SOBP: variants seen among roughly 807,000 people sequenced by gnomAD.
The protein encoded by SOBP is sine oculis-binding protein homolog.
SOBP carries 4 observed loss-of-function variants against 53.6 expected under a neutral mutation model. The observed-to-expected ratio is 0.07, with a 90% CI of 0.04 to 0.17. SOBP has a LOEUF of 0.17. Among genes scored for constraint, SOBP ranks in the 10% least tolerant of loss-of-function variants. SOBP has a pLI of 1.00. For missense variants in SOBP, 1,088 were observed against 1,204.7 expected (o/e 0.90, Z 1.43); for synonymous variants, 584 against 522.6 (o/e 1.12, Z -1.60).
At chr6:107,571,954 A>G (rs1378451321) in intron 4 of SOBP, among the ~76,000 whole-genome samples, 1 of 152,210 alleles carries the variant, frequency 6.6e-6, no homozygotes, top group Non-Finnish European at 1.5e-5. Context: ...GGACGAGGAG[A>G]AATAGCAATT....
At position 107,634,726 on chromosome 6, in the gene SOBP, G is replaced by A; in HGVS notation, c.1882G>A (p.Gly628Ser). The A allele has an allele frequency of 7.4e-7, 1 of 1,357,970 alleles. No individual in the cohort carries two copies. Among genetic ancestry groups the A allele is most frequent in the Non-Finnish European group, 9.4e-7 (1 of 1,064,712 alleles). The allele number at this position is 1,357,970 out of a possible 1,614,324, so 84.1% of individuals were successfully genotyped here. A position where few individuals can be genotyped will look rare whatever the true frequency, so the allele number is the denominator to read the frequency against. The stretch of plus-strand genomic sequence containing the variant: ...GGTGGTGGACCTGACGCGGCGCGCC[G>A]GCAGCCCCCCGGGCCCCCCGGGCGC... ...SEVVDLTRRA[G>S]SPPGPPGAGG... The change falls in exon 6 of 7, where the codon GGC becomes AGC. Residue 628 changes from glycine (G) to serine (S), a missense_variant. This residue lies in a region of SOBP where 665 missense variants were observed against 629.7 expected (regional missense o/e 1.06). Coordinates refer to ENST00000317357, the MANE Select transcript of SOBP (RefSeq NM_018013.4). This position sits in a 1 kb window ranked among gnomAD's most constrained non-coding sequence, Gnocchi z 4.5.
chr6:107,547,846 A>G (rs1784346361), intron 4 of SOBP, among the ~76,000 whole-genome samples: 1 of 152,182 alleles, frequency 6.6e-6, no homozygotes, highest in African/African-American at 2.4e-5. Context: ...AAGTGTTCAG[A>G]TGTCATGCTT....
At chr6:107,567,837 G>A (rs2115033943) in intron 4 of SOBP, among the ~76,000 whole-genome samples, 1 of 152,298 alleles carries the variant, frequency 6.6e-6, no homozygotes, top group South Asian at 2.1e-4. Context: ...TTTGCCCTGG[G>A]AGACCTGGAA....
chr6:107,578,492 C>G (rs1392996720), intron 4 of SOBP, among the ~76,000 whole-genome samples: 1 of 152,130 alleles, frequency 6.6e-6, no homozygotes, highest in East Asian at 1.9e-4. Flanking sequence ...GGGTTTGAAT[C>G]CTGGTTCTAC....
intron 4 of SOBP, among the ~76,000 whole-genome samples, chr6:107,535,631 GTGTGTGTT>G (rs933383440): frequency 6.9e-6 from 1 of 145,610 alleles, no homozygotes; most frequent in African/African-American, 2.6e-5. Flanking sequence ...GTGTGTGTGT[GTGTGTGTT>G]TTTTTTTTTT....
intron 4 of SOBP, among the ~76,000 whole-genome samples, chr6:107,553,831 A>G (rs1373497481): frequency 6.6e-6 from 1 of 152,174 alleles, no homozygotes; most frequent in Non-Finnish European, 1.5e-5. Flanking sequence ...TGTGTTGGCC[A>G]GACTGGTCTT....
chr6:107,508,866 T>C (rs1783076934), intron 3 of SOBP, among the ~76,000 whole-genome samples: 1 of 152,208 alleles, frequency 6.6e-6, no homozygotes, highest in Non-Finnish European at 1.5e-5. Flanking sequence ...TTTGAATATA[T>C]GCCCAGTGGC....
At chr6:107,633,105 AT>A (rs1468218982) in intron 5 of SOBP, among the ~76,000 whole-genome samples, 2 of 152,204 alleles carry the variant, frequency 1.3e-5, no homozygotes, top group Non-Finnish European at 1.5e-5. Flanking sequence ...AAGGGGTAAT[AT>A]TTCAAGCCCA....
At chr6:107,578,227 C>G (rs976530763) in intron 4 of SOBP, among the ~76,000 whole-genome samples, 4 of 151,790 alleles carry the variant, frequency 2.6e-5, no homozygotes, top group African/African-American at 9.7e-5. Flanking sequence ...CCTCTTCCCC[C>G]ACCCCGCACC....
At chr6:107,648,649 T>C (rs777391216) in intron 6 of SOBP, among the ~76,000 whole-genome samples, 7 of 151,892 alleles carry the variant, frequency 4.6e-5, no homozygotes, top group Non-Finnish European at 1.0e-4. Flanking sequence ...CACCCTACTG[T>C]CAGGGCAAAG....
In SOBP at chr6:107,516,658, G is replaced by A. The variant is rs1033337882; in HGVS notation, c.421+10231G>A. Among the ~76,000 whole-genome samples, 14 of 152,058 alleles carry A rather than the reference G, an allele frequency of 9.2e-5. No homozygotes were observed. In the Middle Eastern group the frequency reaches 0.02, roughly 222 times the overall value. On this transcript the variant is annotated intron_variant, in intron 3 of 6. Transcript: ENST00000317357. ...CTACAGGTTAACTATTATAATTTAC[G>A]ACTCAATTTATCAAAGTCTCTAAAC...
chr6:107,580,718 G>A (rs929145806), intron 4 of SOBP, among the ~76,000 whole-genome samples: 4 of 152,212 alleles, frequency 2.6e-5, no homozygotes, highest in South Asian at 4.1e-4. Flanking sequence ...GGAGAGAAAC[G>A]TGGGGCAAAA....
intron 4 of SOBP, among the ~76,000 whole-genome samples, chr6:107,540,928 C>T (rs1201876927): frequency 6.6e-6 from 1 of 152,158 alleles, no homozygotes; most frequent in Admixed American, 6.5e-5. Flanking sequence ...TATTTTTAAA[C>T]TATGGAATAT....
chr6:107,646,999 G>A (rs987541004), intron 6 of SOBP, among the ~76,000 whole-genome samples: 3 of 152,178 alleles, frequency 2.0e-5, no homozygotes, highest in African/African-American at 7.2e-5. Flanking sequence ...CCCTAAAATG[G>A]CAGTTGCCAT....
At chr6:107,509,626 C>G (rs1185999624) in intron 3 of SOBP, among the ~76,000 whole-genome samples, 2 of 152,058 alleles carry the variant, frequency 1.3e-5, no homozygotes, top group Non-Finnish European at 2.9e-5. Flanking sequence ...GTTTGGCATG[C>G]CAAAAAACCT....
chr6:107,492,590 A>G (rs774637555), intron 1 of SOBP, among the ~76,000 whole-genome samples: 7 of 152,208 alleles, frequency 4.6e-5, no homozygotes, highest in Admixed American at 1.3e-4. Context: ...GCAGTATAAC[A>G]GATGTTTGTC....
chr6:107,654,698 T>C (rs1417993602), intron 6 of SOBP, among the ~76,000 whole-genome samples: 1 of 151,038 alleles, frequency 6.6e-6, no homozygotes, highest in Non-Finnish European at 1.5e-5. Flanking sequence ...CTCTGAGGGA[T>C]GGTGGCTGAG....
intron 1 of SOBP, among the ~76,000 whole-genome samples, chr6:107,491,069 C>T (rs532778457): frequency 7.9e-5 from 12 of 152,228 alleles, no homozygotes; most frequent in African/African-American, 2.9e-4. Context: ...TGAGAATCAT[C>T]CTCAGGGTCC....
At chr6:107,532,241 T>TCTCACACACACA (rs373567492) in intron 3 of SOBP, among the ~76,000 whole-genome samples, 108 of 139,740 alleles carry the variant, frequency 7.7e-4, no homozygotes, top group East Asian at 4.3e-3. Context: ...TCTCTCTCTC[T>TCTCACACACACA]CACACACACA....
Sources: gnomAD v4.1 joint callset for allele counts (sites outside exome capture counted in the v4.1 genomes callset) on GRCh38, gnomAD v4.1.1 for gene constraint, gnomAD v4.1.1 regional missense constraint, Gnocchi (gnomAD v3.1) non-coding constraint, MANE v1.5 for transcripts, NCBI Gene and HGNC (gene_info 2026-07-23, HGNC 2026-07-21) for gene names.